The following CRPPA variants were observed in gnomAD, a reference collection of about 807,000 sequenced individuals.
The protein encoded by CRPPA is CDP-L-ribitol pyrophosphorylase A.
In CRPPA, 43 loss-of-function variants were observed where a neutral mutation model predicts 52.0. That is an observed-to-expected ratio of 0.83 (90% CI 0.65 to 1.07). The LOEUF is 1.07. Ranked by LOEUF, CRPPA falls within the 50% of genes least tolerant of loss-of-function variation. The pLI is 0.00. For synonymous variants in CRPPA, 250 were observed against 203.5 expected, an observed-to-expected ratio of 1.23 and a Z score of -1.94; for missense variants, 629 against 551.7, an observed-to-expected ratio of 1.14 and a Z score of -1.40.
intron 9 of CRPPA, among the ~76,000 whole-genome samples, chr7:16,195,405 C>G (rs745508179): frequency 2.0e-5 from 3 of 152,102 alleles, no homozygotes; most frequent in Non-Finnish European, 4.4e-5. Flanking sequence ...ACCACTGTAG[C>G]TGATTGAGGT....
At chr7:16,373,229 G>T (rs1190090479) in intron 3 of CRPPA, among the ~76,000 whole-genome samples, 1 of 152,090 alleles carries the variant, frequency 6.6e-6, no homozygotes, top group African/African-American at 2.4e-5. Flanking sequence ...CCAGGAGGCA[G>T]ATGTTGCAGT....
intron 3 of CRPPA, among the ~76,000 whole-genome samples, chr7:16,341,171 G>A (rs1785817140): frequency 6.6e-6 from 1 of 152,038 alleles, no homozygotes; most frequent in East Asian, 1.9e-4. Context: ...GTAGATACAT[G>A]TCATTATAAC....
chr7:16,265,155 T>C (rs1783920408), intron 6 of CRPPA, among the ~76,000 whole-genome samples: 1 of 152,196 alleles, frequency 6.6e-6, no homozygotes, highest in Non-Finnish European at 1.5e-5. Flanking sequence ...TTATATAAGC[T>C]ACAGGCTGCT....
intron 9 of CRPPA, among the ~76,000 whole-genome samples, chr7:16,125,876 T>C (rs1214350922): frequency 7.4e-6 from 1 of 135,016 alleles, no homozygotes; most frequent in Admixed American, 7.9e-5. Context: ...AGATGTACAA[T>C]AGAAGCTTGC....
chr7:16,379,600 TA>T (rs1238988747), intron 2 of CRPPA, among the ~76,000 whole-genome samples: 1 of 152,238 alleles, frequency 6.6e-6, no homozygotes, highest in African/African-American at 2.4e-5. Flanking sequence ...ATTTTCACAA[TA>T]TTGATTCCTC....
chr7:16,136,631 T>TA (rs1782767296), intron 9 of CRPPA, among the ~76,000 whole-genome samples: 1 of 152,176 alleles, frequency 6.6e-6, no homozygotes, highest in Non-Finnish European at 1.5e-5. Flanking sequence ...AAGGAACTCA[T>TA]AGTTACTGTT....
chr7:16,186,244 C>T (rs1781502616), intron 9 of CRPPA, among the ~76,000 whole-genome samples: 1 of 152,174 alleles, frequency 6.6e-6, no homozygotes, highest in Admixed American at 6.5e-5. Context: ...TAGAGTTCAG[C>T]TAATCCTATG....
At chr7:16,322,630 C>T (rs1353270329) in intron 3 of CRPPA, among the ~76,000 whole-genome samples, 1 of 152,092 alleles carries the variant, frequency 6.6e-6, no homozygotes, top group Non-Finnish European at 1.5e-5. Context: ...GTAAGGAAAC[C>T]TGACAACATT....
At chr7:16,209,473 T>C (rs1364996168) in intron 9 of CRPPA, among the ~76,000 whole-genome samples, 1 of 152,026 alleles carries the variant, frequency 6.6e-6, no homozygotes, top group South Asian at 2.1e-4. Flanking sequence ...GGTTTCACAA[T>C]GTTGGCCAGA....
intron 9 of CRPPA, among the ~76,000 whole-genome samples, chr7:16,145,276 G>A (rs917272545): frequency 6.6e-6 from 1 of 152,144 alleles, no homozygotes; most frequent in Non-Finnish European, 1.5e-5. Flanking sequence ...AGATATGAGT[G>A]AGGAACCTGG....
chr7:16,286,620 C>T (rs892758887), intron 5 of CRPPA, among the ~76,000 whole-genome samples: 1 of 152,120 alleles, frequency 6.6e-6, no homozygotes, highest in Non-Finnish European at 1.5e-5. Context: ...ACCTCAAGTA[C>T]CATCTGTTTT....
At chr7:16,210,973 T>C (rs891164117) in intron 9 of CRPPA, among the ~76,000 whole-genome samples, 2 of 152,094 alleles carry the variant, frequency 1.3e-5, no homozygotes, top group Non-Finnish European at 2.9e-5. Context: ...TAGAAGAGCA[T>C]AACTAAAATG....
chr7:16,204,485 A>C (rs1007248109), intron 9 of CRPPA, among the ~76,000 whole-genome samples: 1 of 152,090 alleles, frequency 6.6e-6, no homozygotes, highest in Non-Finnish European at 1.5e-5. Context: ...GAAGTGGGGT[A>C]AGGGGGAAAT....
At chr7:16,345,838 C>A (rs1161415254) in intron 3 of CRPPA, among the ~76,000 whole-genome samples, 2 of 152,160 alleles carry the variant, frequency 1.3e-5, no homozygotes, top group Non-Finnish European at 2.9e-5. Flanking sequence ...GCTGCTACAA[C>A]TAGAACATTT....
chr7:16,136,641 T>C (rs572833843), intron 9 of CRPPA, among the ~76,000 whole-genome samples: 1 of 152,356 alleles, frequency 6.6e-6, no homozygotes, highest in Non-Finnish European at 1.5e-5. Context: ...TAGTTACTGT[T>C]GGGCACAAAC....
chr7:16,301,603 G>T (rs1784790580), intron 4 of CRPPA, 137 bp from the exon 5 acceptor site: 4 of 550,012 alleles, frequency 7.3e-6, no homozygotes, highest in Middle Eastern at 2.8e-4. Context: ...AATTAGAAAA[G>T]CATCAGCAAA....
chr7:16,308,889 T>G (rs550060514), intron 3 of CRPPA, among the ~76,000 whole-genome samples: 5 of 151,640 alleles, frequency 3.3e-5, no homozygotes, highest in African/African-American at 1.2e-4. Flanking sequence ...TCAGTAGTTC[T>G]AGGCGTAAAA....
Position 16,397,069 on chromosome 7 carries a change from G to A in CRPPA, c.534+8992C>T, listed in dbSNP as rs149912201. The stretch of plus-strand genomic sequence containing the variant: ...CATGTGACACATGGGACAGGTGGGA[G>A]AAAACACATGACATGGAAGACACAC... On this transcript the variant is annotated intron_variant, in intron 2 of 9. Coordinates refer to ENST00000407010, the MANE Select transcript of CRPPA (RefSeq NM_001101426.4). 2.4e-3 allele frequency among the ~76,000 whole-genome samples: 368 copies of A among 152,308 alleles called. 2 individuals carry two copies. Among genetic ancestry groups the A allele is most frequent in the African/African-American group, 8.6e-3 (356 of 41,574 alleles).
chr7:16,280,545 T>G (rs148803065), intron 5 of CRPPA, among the ~76,000 whole-genome samples: 1 of 152,186 alleles, frequency 6.6e-6, no homozygotes, highest in Admixed American at 6.5e-5. Context: ...ATTTGTAAAA[T>G]AATGCATAAC....
Sources: allele counts gnomAD v4.1 joint callset (sites outside exome capture counted in the v4.1 genomes callset), GRCh38; gene constraint gnomAD v4.1.1; transcripts MANE v1.5; gene names NCBI Gene and HGNC (gene_info 2026-07-23, HGNC 2026-07-21).